Variants in LY86 observed in about 807,000 individuals in gnomAD.
The protein encoded by LY86 is MD-1, RP105-associated.
In LY86, 20 loss-of-function variants were observed where a neutral mutation model predicts 17.3. The ratio of observed to expected loss-of-function variants is 1.15; its 90% CI spans 0.81 to 1.68. The LOEUF (loss-of-function observed/expected upper bound fraction) is 1.68, where lower values mean the gene tolerates loss of function less well. Among genes scored for constraint, LY86 ranks in the 40% most tolerant of loss-of-function variants. The pLI is 0.00. For missense variants in LY86, 200 were observed against 191.9 expected (o/e 1.04, Z -0.25); for synonymous variants, 74 against 70.6 (o/e 1.05, Z -0.24).
chr6:6,627,342 T>C lies in LY86; in HGVS notation c.352+921T>C, dbSNP rs554976044. ...TTTAAATGAAAGATCTAGAAGAAAT[T>C]GGAATCTCCTTTCTACAGTGAGGGA... On this transcript the variant is annotated intron_variant, in intron 3 of 4. Coordinates refer to ENST00000230568, the MANE Select transcript of LY86 (RefSeq NM_004271.4). 2.5e-3 allele frequency among the ~76,000 whole-genome samples: 375 copies of C among 152,330 alleles called. 3 individuals carry two copies. Among genetic ancestry groups the C allele is most frequent in the African/African-American group, 8.0e-3 (333 of 41,570 alleles).
intron 1 of LY86, among the ~76,000 whole-genome samples, chr6:6,596,285 T>G (rs953683981): frequency 6.6e-6 from 1 of 152,142 alleles, no homozygotes; most frequent in South Asian, 2.1e-4. Flanking sequence ...AAAATGCTCA[T>G]AGAAAACATT....
chr6:6,612,125 C>G (rs1264814136), intron 1 of LY86, among the ~76,000 whole-genome samples: 1 of 152,178 alleles, frequency 6.6e-6, no homozygotes, highest in African/African-American at 2.4e-5. Flanking sequence ...CAAAAATCAG[C>G]TCAACAACTC....
intron 2 of LY86, among the ~76,000 whole-genome samples, chr6:6,625,452 G>A (rs564769816): frequency 3.2e-4 from 49 of 151,992 alleles, no homozygotes; most frequent in Non-Finnish European, 5.1e-4. Flanking sequence ...CTTTGACATC[G>A]GCAAGGAGGA....
chr6:6,598,834 G>C (rs1334519316), intron 1 of LY86, among the ~76,000 whole-genome samples: 6 of 152,150 alleles, frequency 3.9e-5, no homozygotes, highest in African/African-American at 1.4e-4. Flanking sequence ...AGGACATGCT[G>C]AACTTTGTCT....
At chr6:6,598,563 T>C (rs1760790835) in intron 1 of LY86, among the ~76,000 whole-genome samples, 1 of 152,128 alleles carries the variant, frequency 6.6e-6, no homozygotes, top group African/African-American at 2.4e-5. Flanking sequence ...CTCTCTTTAC[T>C]TAAATTTTAC....
intron 3 of LY86, among the ~76,000 whole-genome samples, chr6:6,648,718 C>T (rs937545242): frequency 6.6e-6 from 1 of 151,922 alleles, no homozygotes; most frequent in Non-Finnish European, 1.5e-5. Flanking sequence ...AATTCCCCAC[C>T]ACCCTAGGAA....
At chr6:6,612,405 T>C (rs765712774) in intron 1 of LY86, among the ~76,000 whole-genome samples, 6 of 152,224 alleles carry the variant, frequency 3.9e-5, no homozygotes, top group Non-Finnish European at 8.8e-5. Flanking sequence ...AGTGGGTACC[T>C]AGTCTCACTG....
chr6:6,602,475 A>G (rs1262912315), intron 1 of LY86, among the ~76,000 whole-genome samples: 1 of 152,238 alleles, frequency 6.6e-6, no homozygotes, highest in Admixed American at 6.5e-5. Flanking sequence ...TCCATACTCA[A>G]TGTGAATTAC....
chr6:6,622,549 A>G (rs1163594900), intron 1 of LY86: 13 of 152,232 alleles, frequency 8.5e-5, no homozygotes, highest in Non-Finnish European at 4.4e-5. Flanking sequence ...TCCAATGAGC[A>G]TAAGACAAAA....
intron 1 of LY86, among the ~76,000 whole-genome samples, chr6:6,607,182 G>C (rs1761192212): frequency 6.6e-6 from 1 of 152,228 alleles, no homozygotes; most frequent in Admixed American, 6.5e-5. Context: ...TCTTTTTCAG[G>C]GAGGAGAGTA....
intron 1 of LY86, among the ~76,000 whole-genome samples, chr6:6,612,198 G>A (rs537446354): frequency 3.3e-5 from 5 of 152,312 alleles, no homozygotes; most frequent in African/African-American, 9.6e-5. Context: ...CAAGAACGAA[G>A]CCACAGACCC....
At chr6:6,628,072 A>G (rs1462332081) in intron 3 of LY86, among the ~76,000 whole-genome samples, 3 of 151,974 alleles carry the variant, frequency 2.0e-5, no homozygotes, top group African/African-American at 7.2e-5. Context: ...CCTTAAAATC[A>G]TAAGTCAGTT....
chr6:6,607,389 G>A (rs1386766773), intron 1 of LY86, among the ~76,000 whole-genome samples: 1 of 152,066 alleles, frequency 6.6e-6, no homozygotes, highest in Admixed American at 6.6e-5. Context: ...AAAAAGAGAA[G>A]TTTATTTTTA....
intron 2 of LY86, among the ~76,000 whole-genome samples, chr6:6,625,999 C>A (rs1273652126): frequency 6.6e-6 from 1 of 152,180 alleles, no homozygotes. Flanking sequence ...GCCAGACCTG[C>A]AGACATCACA....
At chr6:6,593,765 T>A (rs7768463) in intron 1 of LY86, among the ~76,000 whole-genome samples, 2,261 of 152,256 alleles carry the variant, frequency 0.015, 49 homozygotes, top group African/African-American at 0.05. Flanking sequence ...CTCCCCAGAG[T>A]AGATGGCATC....
At chr6:6,618,496 AC>A (rs11299616) in intron 1 of LY86, among the ~76,000 whole-genome samples, 2,118 of 152,246 alleles carry the variant, frequency 0.014, 44 homozygotes, top group African/African-American at 0.047. Context: ...AGCAGCCCAA[AC>A]ATACCTTCTC....
At chr6:6,639,408 A>G (rs1762007263) in intron 3 of LY86, among the ~76,000 whole-genome samples, 1 of 152,200 alleles carries the variant, frequency 6.6e-6, no homozygotes, top group African/African-American at 2.4e-5. Context: ...TTAGCTTTCT[A>G]TAGCTGCTGT....
intron 3 of LY86, among the ~76,000 whole-genome samples, chr6:6,629,362 T>G (rs1761863592): frequency 6.6e-6 from 1 of 152,202 alleles, no homozygotes; most frequent in Admixed American, 6.5e-5. Flanking sequence ...ACAAACCTAC[T>G]GCAGGAATGA....
intron 1 of LY86, 147 bp from the exon 2 acceptor site, chr6:6,624,779 A>G: frequency 1.8e-6 from 1 of 561,022 alleles, no homozygotes; most frequent in Non-Finnish European, 3.2e-6. Flanking sequence ...TGATGAAAAT[A>G]TCATGGGCTT....
Sources: gnomAD v4.1 joint callset for allele counts (sites outside exome capture counted in the v4.1 genomes callset) on GRCh38, gnomAD v4.1.1 for gene constraint, MANE v1.5 for transcripts, NCBI Gene and HGNC (gene_info 2026-07-23, HGNC 2026-07-21) for gene names.